Variants in RABGEF1 observed in about 807,000 individuals in gnomAD.
The protein encoded by RABGEF1 is RAB guanine nucleotide exchange factor 1.
A neutral mutation model predicts 57.3 loss-of-function variants in RABGEF1; 26 were observed. The observed-to-expected ratio is 0.45, with a 90% CI of 0.33 to 0.63. RABGEF1 has a LOEUF of 0.63. RABGEF1 is among the 20% of genes least tolerant of loss of function. The pLI is 0.02. For synonymous variants in RABGEF1, 185 were observed against 210.7 expected (o/e 0.88, Z 1.06); for missense variants, 464 against 607.6 (o/e 0.76, Z 2.48).
At chr7:66,800,936 TAGGAG>T (rs1787149570) in intron 7 of RABGEF1, among the ~76,000 whole-genome samples, 1 of 152,196 alleles carries the variant, frequency 6.6e-6, no homozygotes, top group African/African-American at 2.4e-5. Context: ...TGGGACTCGA[TAGGAG>T]AGGCTGCCCG....
At chr7:66,700,554 A>G (rs1324883935) in intron 1 of RABGEF1, among the ~76,000 whole-genome samples, 1 of 150,724 alleles carries the variant, frequency 6.6e-6, no homozygotes, top group Non-Finnish European at 1.5e-5. Flanking sequence ...GTACAGCTCA[A>G]TTAGCTGGGA....
intron 2 of RABGEF1, 90 bp from the exon 3 acceptor site, chr7:66,775,137 G>A: frequency 1.4e-6 from 2 of 1,381,194 alleles, no homozygotes; most frequent in Non-Finnish European, 1.9e-6. Flanking sequence ...AAAATCTTTA[G>A]ATCCTCCTGA....
At chr7:66,774,044 G>A (rs1385085400) in intron 2 of RABGEF1, 4 of 288,994 alleles carry the variant, frequency 1.4e-5, no homozygotes, top group Non-Finnish European at 2.7e-5. Flanking sequence ...ATTATTCTCC[G>A]CATTCTGAAC....
At chr7:66,675,547 G>T in the RABGEF1 span, among the ~76,000 whole-genome samples, 2 of 152,138 alleles carry the variant, frequency 1.3e-5, no homozygotes, top group African/African-American at 2.4e-5. Flanking sequence ...ATACCAATTT[G>T]TGCCAATTTT....
the RABGEF1 span, among the ~76,000 whole-genome samples, chr7:66,676,208 A>AGGAGGC: frequency 5.9e-5 from 9 of 152,142 alleles, no homozygotes; most frequent in South Asian, 6.2e-4. Flanking sequence ...GCTTGAACCC[A>AGGAGGC]GGAGGCAGAG....
the RABGEF1 span, among the ~76,000 whole-genome samples, chr7:66,658,554 AAAAG>A: frequency 2.0e-5 from 3 of 151,938 alleles, no homozygotes; most frequent in Admixed American, 6.6e-5. Context: ...AAAAAAAAGA[AAAAG>A]AAAATATGGG....
intron 1 of RABGEF1, among the ~76,000 whole-genome samples, chr7:66,759,356 C>T (rs1293902618): frequency 6.6e-6 from 1 of 152,210 alleles, no homozygotes; most frequent in Non-Finnish European, 1.5e-5. Flanking sequence ...CTTCTCCCAG[C>T]AGAGTTGCCC....
chr7:66,717,936 T>C (rs1401092984), intron 2 of RABGEF1, among the ~76,000 whole-genome samples: 1 of 152,220 alleles, frequency 6.6e-6, no homozygotes, highest in Non-Finnish European at 1.5e-5. Flanking sequence ...GAGTTAATTT[T>C]AAAACTCAGT....
At chr7:66,670,051 G>A in the RABGEF1 span, among the ~76,000 whole-genome samples, 1 of 151,982 alleles carries the variant, frequency 6.6e-6, no homozygotes, top group African/African-American at 2.4e-5. Context: ...TGTAAATCAG[G>A]CCCCATCTCA....
At chr7:66,745,768 C>CAAA (rs35862923) in intron 1 of RABGEF1, among the ~76,000 whole-genome samples, 4,393 of 118,356 alleles carry the variant, frequency 0.037, 113 homozygotes, top group East Asian at 0.072. Flanking sequence ...GACTCTATCT[C>CAAA]AAAAAAAAAA....
At chr7:66,757,801 CG>C (rs1218265381) in intron 1 of RABGEF1, among the ~76,000 whole-genome samples, 1 of 152,076 alleles carries the variant, frequency 6.6e-6, no homozygotes, top group Non-Finnish European at 1.5e-5. Flanking sequence ...TTAGTAGAGA[CG>C]GGGTTTCACC....
intron 4 of RABGEF1, among the ~76,000 whole-genome samples, chr7:66,792,392 G>A (rs1474484493): frequency 6.6e-6 from 1 of 152,158 alleles, no homozygotes; most frequent in Non-Finnish European, 1.5e-5. Flanking sequence ...CGAGTCTCCT[G>A]GGTCAGAGAC....
chr7:66,677,538 G>A (rs1038563525), upstream of RABGEF1, among the ~76,000 whole-genome samples: 10 of 152,098 alleles, frequency 6.6e-5, no homozygotes, highest in Admixed American at 1.3e-4. Context: ...CGAGGCGGGC[G>A]GATCACAAGG....
intron 2 of RABGEF1, among the ~76,000 whole-genome samples, chr7:66,733,358 A>C (rs1797558983): frequency 6.6e-6 from 1 of 152,142 alleles, no homozygotes; most frequent in South Asian, 2.1e-4. Flanking sequence ...ATTGACTGTT[A>C]CACTGGGGGC....
At chr7:66,766,827 C>T (rs1420364625) in intron 1 of RABGEF1, among the ~76,000 whole-genome samples, 2 of 151,730 alleles carry the variant, frequency 1.3e-5, no homozygotes, top group Admixed American at 1.3e-4. Flanking sequence ...CAGGTCCAAG[C>T]GATTCTTGTG....
chr7:66,758,743 A>T (rs4380814), intron 1 of RABGEF1, among the ~76,000 whole-genome samples: 1 of 152,174 alleles, frequency 6.6e-6, no homozygotes, highest in Non-Finnish European at 1.5e-5. Flanking sequence ...CTTTCAAATG[A>T]TGGCACTCTC....
At chr7:66,757,200 CT>C (rs1352988835) in intron 1 of RABGEF1, among the ~76,000 whole-genome samples, 1 of 152,192 alleles carries the variant, frequency 6.6e-6, no homozygotes, top group South Asian at 2.1e-4. Context: ...ATTATATTTT[CT>C]CATTAAAATG....
At chr7:66,656,463 T>C in the RABGEF1 span, among the ~76,000 whole-genome samples, 2 of 152,070 alleles carry the variant, frequency 1.3e-5, no homozygotes, top group South Asian at 4.1e-4. Flanking sequence ...TCTAGAAGCT[T>C]AGGCTTTAAT....
At chr7:66,712,765 A>G (rs1188718618) in intron 2 of RABGEF1, among the ~76,000 whole-genome samples, 1 of 151,114 alleles carries the variant, frequency 6.6e-6, no homozygotes, top group African/African-American at 2.4e-5. Flanking sequence ...GAGCCACTGC[A>G]CCCAGCCTCT....
Sources: gnomAD v4.1 joint callset for allele counts (sites outside exome capture counted in the v4.1 genomes callset) on GRCh38, gnomAD v4.1.1 for gene constraint, MANE v1.5 for transcripts, NCBI Gene and HGNC (gene_info 2026-07-23, HGNC 2026-07-21) for gene names.